ZNF610: variants seen among roughly 807,000 people sequenced by gnomAD.
ZNF610 encodes zinc finger protein 610.
Under a neutral mutation model 14.1 loss-of-function variants are expected in ZNF610, and 14 were observed. The ratio of observed to expected loss-of-function variants is 0.99; its 90% CI spans 0.65 to 1.55. The LOEUF is 1.55. ZNF610 is among the 40% of genes most tolerant of loss of function. The pLI is 0.00. For missense variants in ZNF610, 530 were observed against 558.0 expected, an observed-to-expected ratio of 0.95 and a Z score of 0.51; for synonymous variants, 185 against 187.6, an observed-to-expected ratio of 0.99 and a Z score of 0.11.
intron 3 of ZNF610, among the ~76,000 whole-genome samples, chr19:52,350,997 A>G (rs149251901): frequency 6.6e-6 from 1 of 152,078 alleles, no homozygotes; most frequent in African/African-American, 2.4e-5. Flanking sequence ...CAAAACTCCA[A>G]AAGAAATATA....
intron 1 of ZNF610, among the ~76,000 whole-genome samples, chr19:52,337,339 G>A (rs1336685086): frequency 6.6e-6 from 1 of 152,076 alleles, no homozygotes; most frequent in Non-Finnish European, 1.5e-5. Flanking sequence ...ACAAGAGAGT[G>A]TAGCAGGGAA....
chr19:52,338,213 C>G (rs1426860006), intron 1 of ZNF610, among the ~76,000 whole-genome samples: 1 of 152,218 alleles, frequency 6.6e-6, no homozygotes, highest in Non-Finnish European at 1.5e-5. Flanking sequence ...TGTGACCAAC[C>G]AACTATGAAC....
At chr19:52,364,330 CTA>C (rs1985920383) in intron 5 of ZNF610, among the ~76,000 whole-genome samples, 1 of 152,060 alleles carries the variant, frequency 6.6e-6, no homozygotes, top group African/African-American at 2.4e-5. Context: ...TCTCAGGATA[CTA>C]TGTTTCCATA....
chr19:52,332,612 C>T (rs1984239075), upstream of ZNF610, among the ~76,000 whole-genome samples: 1 of 152,196 alleles, frequency 6.6e-6, no homozygotes, highest in South Asian at 2.1e-4. The surrounding 1 kb of genome is among the most constrained non-coding windows in gnomAD (Gnocchi z 4.1). Context: ...TTTGTACCAC[C>T]ACCTTCGGTG....
chr19:52,357,416 C>T (rs570745403), intron 5 of ZNF610, among the ~76,000 whole-genome samples: 54 of 152,060 alleles, frequency 3.6e-4, no homozygotes, highest in Non-Finnish European at 6.0e-4. Context: ...GAGGCCCAGG[C>T]GGGCGGATCA....
intron 1 of ZNF610, among the ~76,000 whole-genome samples, chr19:52,337,294 G>A (rs1172605589): frequency 6.6e-6 from 1 of 152,006 alleles, no homozygotes; most frequent in African/African-American, 2.4e-5. Flanking sequence ...CACAGCATGG[G>A]GAGGCCTGGG....
In ZNF610 at chr19:52,365,994, T is replaced by C; in HGVS notation, c.616T>C (p.Cys206Arg). 6.2e-7 allele frequency: 1 copy of C among 1,614,134 alleles called. No homozygotes were observed. Among genetic ancestry groups the C allele is most frequent in the Non-Finnish European group, 8.5e-7 (1 of 1,180,032 alleles). The change falls in exon 6 of 6, where the codon TGT becomes CGT. Residue 206 changes from cysteine to arginine, a missense_variant. Coordinates refer to ENST00000403906, the MANE Select transcript of ZNF610 (RefSeq NM_001161425.2). ...TAGAGGAAAATCTTATGAATATGAA[T>C]GTAGTGAAGATGGTGAAGTTTTTAG... ...YIRGKSYEYE[C>R]SEDGEVFRVR...
intron 1 of ZNF610, chr19:52,344,918 G>A (rs547029980): frequency 6.6e-6 from 1 of 152,320 alleles, no homozygotes; most frequent in Non-Finnish European, 1.5e-5. Flanking sequence ...AAGTAGCTGG[G>A]ATTACAGGCA....
chr19:52,365,722 A>G lies in ZNF610; in HGVS notation c.344A>G (p.Asn115Ser), dbSNP rs1215049292. The stretch of plus-strand genomic sequence containing the variant: ...GGGAGGAGCTGTGTATTGGGAAGCA[A>G]TGCAGAAAACAAGCCTATTAAAAAT... ...NTGRSCVLGS[N>S]AENKPIKNQL... is the part of the protein sequence containing the mutation. The change falls in exon 6 of 6, where the codon AAT (asparagine) becomes AGT (serine). Residue 115 changes from asparagine (N) to serine (S), a missense_variant. Asn to Ser is a conservative substitution (Grantham distance 46). Transcript: ENST00000403906. 4 of 1,610,060 alleles carry G rather than the reference A, an allele frequency of 2.5e-6. No homozygotes were observed. Among genetic ancestry groups the G allele is most frequent in the African/African-American group, 1.3e-5 (1 of 74,626 alleles).
intron 5 of ZNF610, among the ~76,000 whole-genome samples, chr19:52,360,006 G>A (rs1600239241): frequency 1.3e-5 from 2 of 152,328 alleles, no homozygotes; most frequent in African/African-American, 4.8e-5. Flanking sequence ...CAAGGTATGG[G>A]GGAAGGGGTG....
chr19:52,359,608 T>G lies in ZNF610; in HGVS notation c.319+5229T>G, dbSNP rs186378354. ...TTTAAGAAAAACTCTCAAACCATGT[T>G]TTTCCTCTGCTCTCACGCCACCACA... On this transcript the variant is annotated intron_variant, in intron 5 of 5. Transcript: ENST00000403906. Among the ~76,000 whole-genome samples the G allele has an allele frequency of 3.9e-4, 59 of 152,238 alleles. No homozygotes were observed. The East Asian group carries it at 0.011, about 29-fold the overall frequency.
At chr19:52,343,845 G>T (rs1281127649) in intron 1 of ZNF610, among the ~76,000 whole-genome samples, 1 of 152,116 alleles carries the variant, frequency 6.6e-6, no homozygotes, top group Non-Finnish European at 1.5e-5. Context: ...CTTCAGAGAG[G>T]CCCCTGACAG....
At position 52,366,452 on chromosome 19, in the gene ZNF610, C is replaced by T. The variant is rs779501975; in HGVS notation, c.1074C>T (p.Tyr358=). Residue 358 remains tyrosine, a synonymous_variant, in exon 6 of 6, where the codon TAC becomes TAT. Transcript: ENST00000403906. ...ECGKVFSLLS[Y]LARHQIIHST... ...GCAAGGTCTTTAGTCTGCTTTCATA[C>T]CTTGCACGGCATCAAATAATTCATA... The T allele has an allele frequency of 1.2e-6, 2 of 1,614,194 alleles. No individual in the cohort carries two copies. Among genetic ancestry groups the T allele is most frequent in the Admixed American group, 3.3e-5 (2 of 60,020 alleles).
intron 2 of ZNF610, among the ~76,000 whole-genome samples, chr19:52,348,709 C>T (rs1189126867): frequency 6.6e-6 from 1 of 152,190 alleles, no homozygotes; most frequent in Non-Finnish European, 1.5e-5. Context: ...CAGGCATCCA[C>T]TGGGCATCTT....
At chr19:52,333,258 G>A (rs975449688), upstream of ZNF610, among the ~76,000 whole-genome samples, 13 of 152,318 alleles carry the variant, frequency 8.5e-5, 1 homozygote, top group East Asian at 5.8e-4. Context: ...ATTAGAAGCC[G>A]AAACTGCGCA....
chr19:52,365,951 A>G lies in ZNF610; in HGVS notation c.573A>G (p.Gln191=). Residue 191 remains glutamine (Q), a synonymous_variant, in exon 6 of 6, where the codon CAA becomes CAG. Transcript: ENST00000403906. ...TTATTGATTTCCCATTACTCCCACA[A>G]GAAGAGAAAGCATACATTAGAGGAA... is the stretch of plus-strand genomic sequence containing the variant. The part of the protein sequence containing the change: ...NDLIDFPLLP[Q]EEKAYIRGKS... 1.9e-6 allele frequency: 3 copies of G among 1,613,874 alleles called. No individual in the cohort carries two copies. The highest frequency in any genetic ancestry group is 1.7e-6 in the Non-Finnish European group (2 of 1,179,958).
At chr19:52,356,710 T>C (rs1044676779) in intron 5 of ZNF610, among the ~76,000 whole-genome samples, 5 of 152,214 alleles carry the variant, frequency 3.3e-5, no homozygotes, top group Non-Finnish European at 5.9e-5. Context: ...GCCAATTAAA[T>C]GTATTACAGT....
intron 1 of ZNF610, among the ~76,000 whole-genome samples, chr19:52,337,182 G>A (rs1984426692): frequency 6.6e-6 from 1 of 151,618 alleles, no homozygotes. Flanking sequence ...CTCAGACAGA[G>A]TAGGGGAGAG....
chr19:52,334,975 A>G (rs1177415999), upstream of ZNF610, among the ~76,000 whole-genome samples: 2 of 147,522 alleles, frequency 1.4e-5, no homozygotes, highest in East Asian at 4.0e-4. Flanking sequence ...ATTTACATCT[A>G]TTTTTTAAAG....
Sources: allele counts gnomAD v4.1 joint callset (sites outside exome capture counted in the v4.1 genomes callset), GRCh38; gene constraint gnomAD v4.1.1; non-coding constraint Gnocchi (gnomAD v3.1); transcripts MANE v1.5; gene names NCBI Gene and HGNC (gene_info 2026-07-23, HGNC 2026-07-21).